The following FAAH2 variants were observed in gnomAD, a reference collection of about 807,000 sequenced individuals.
The protein encoded by FAAH2 is fatty-acid amide hydrolase 2.
A neutral mutation model predicts 36.9 loss-of-function variants in FAAH2; 60 were observed. The observed-to-expected ratio is 1.63, with a 90% CI of 1.32 to 2.02. FAAH2 has a LOEUF of 2.02. FAAH2 is among the 30% of genes most tolerant of loss of function. FAAH2 has a pLI of 0.00. For missense variants in FAAH2, 689 were observed against 397.5 expected, an observed-to-expected ratio of 1.73 and a Z score of -6.23; for synonymous variants, 214 against 143.8, an observed-to-expected ratio of 1.49 and a Z score of -3.49.
the FAAH2 span, among the ~76,000 whole-genome samples, chrX:57,163,214 C>T: frequency 1.1e-4 from 12 of 112,002 alleles, no homozygotes; most frequent in African/African-American, 3.6e-4. Context: ...GGCAGTCTGC[C>T]CGTTCTCAGA....
chrX:57,328,393 T>C (rs1300501253), intron 3 of FAAH2, among the ~76,000 whole-genome samples: 1 of 112,035 alleles, frequency 8.9e-6, no homozygotes, highest in African/African-American at 3.2e-5. Flanking sequence ...TAGTATGTTT[T>C]TCTGCTCTAT....
At chrX:57,359,941 C>T (rs1162306764) in intron 5 of FAAH2, among the ~76,000 whole-genome samples, 1 of 108,477 alleles carries the variant, frequency 9.2e-6, no homozygotes, top group Non-Finnish European at 1.9e-5. Context: ...AACAGTTTTG[C>T]TGAACATAGT....
chrX:57,488,625 A>G (rs1003768270), intron 10 of FAAH2, 132 bp from the exon 11 acceptor site: 2 of 616,560 alleles, frequency 3.2e-6, no homozygotes, highest in Non-Finnish European at 4.8e-6. Flanking sequence ...GTTCCTAAAT[A>G]TTATTAAGTC....
At chrX:57,199,157 C>G in the FAAH2 span, among the ~76,000 whole-genome samples, 1 of 110,227 alleles carries the variant, frequency 9.1e-6, no homozygotes, top group Non-Finnish European at 1.9e-5. Flanking sequence ...CTACTTTGCT[C>G]CTTCTTTTGT....
At chrX:57,337,046 C>G (rs1016186993) in intron 4 of FAAH2, among the ~76,000 whole-genome samples, 4 of 109,682 alleles carry the variant, frequency 3.6e-5, no homozygotes, top group African/African-American at 1.3e-4. Flanking sequence ...TAGACAAAAT[C>G]GGAATGATAA....
At chrX:57,330,498 C>T (rs1008557075) in intron 3 of FAAH2, among the ~76,000 whole-genome samples, 1 of 111,499 alleles carries the variant, frequency 9.0e-6, no homozygotes, top group African/African-American at 3.3e-5. Context: ...TTTAATTTTG[C>T]CCCGGTCCTG....
chrX:57,346,367 T>C (rs141984455), intron 5 of FAAH2, among the ~76,000 whole-genome samples: 1,639 of 111,891 alleles, frequency 0.015, 27 homozygotes, highest in African/African-American at 0.051. Flanking sequence ...TCTATCATTA[T>C]ATTATGCCCT....
chrX:57,240,653 G>A, the FAAH2 span, among the ~76,000 whole-genome samples: 36 of 112,584 alleles, frequency 3.2e-4, no homozygotes, highest in Non-Finnish European at 5.6e-5. Context: ...CAGCATGGCA[G>A]TGTTCACATG....
the FAAH2 span, among the ~76,000 whole-genome samples, chrX:57,266,491 G>A: frequency 7.1e-5 from 8 of 112,609 alleles, no homozygotes; most frequent in African/African-American, 1.6e-4. Flanking sequence ...GGACGGAGCC[G>A]CCAGGGGCAA....
intron 3 of FAAH2, among the ~76,000 whole-genome samples, chrX:57,324,497 G>A (rs1376236108): frequency 1.8e-5 from 2 of 111,701 alleles, no homozygotes; most frequent in Admixed American, 1.9e-4. Context: ...CCATTTGTTT[G>A]TATCCACTTT....
At chrX:57,173,845 A>G in the FAAH2 span, among the ~76,000 whole-genome samples, 4 of 110,938 alleles carry the variant, frequency 3.6e-5, no homozygotes, top group Non-Finnish European at 7.6e-5. Context: ...TTTGTTTTTA[A>G]TTCTGTTTAT....
Position 57,334,143 on chromosome X carries a change from G to T in FAAH2, c.622+2336G>T, listed in dbSNP as rs938721763. Among the ~76,000 whole-genome samples, 16 of 109,783 alleles carry T rather than the reference G, an allele frequency of 1.5e-4. No individual in the cohort carries two copies. In the East Asian group the frequency reaches 4.4e-3, roughly 30 times the overall value. ...AAATTAGCCAGGCCTGGCAGCAGGT[G>T]CCTGTAATACCAGCTACTCAGGAGT... is the stretch of plus-strand genomic sequence containing the variant. On this transcript the variant is annotated intron_variant, in intron 4 of 10. Transcript: ENST00000374900.
intron 7 of FAAH2, among the ~76,000 whole-genome samples, chrX:57,424,369 C>G (rs2056109938): frequency 8.9e-6 from 1 of 111,789 alleles, no homozygotes; most frequent in African/African-American, 3.3e-5. Context: ...AACAAAGACC[C>G]CTACTGCTTC....
chrX:57,448,247 A>G (rs992000045), intron 9 of FAAH2, among the ~76,000 whole-genome samples: 54 of 112,472 alleles, frequency 4.8e-4, no homozygotes, highest in African/African-American at 1.7e-3. Flanking sequence ...CTGGGATTAC[A>G]GACATGAGCC....
At chrX:57,231,619 A>C in the FAAH2 span, among the ~76,000 whole-genome samples, 2 of 111,781 alleles carry the variant, frequency 1.8e-5, no homozygotes, top group African/African-American at 6.5e-5. Flanking sequence ...GCCATGAGGT[A>C]GATAATATTG....
chrX:57,249,086 C>A, the FAAH2 span, among the ~76,000 whole-genome samples: 2 of 110,934 alleles, frequency 1.8e-5, no homozygotes, highest in Non-Finnish European at 3.8e-5. Context: ...TTACAAAATA[C>A]TATGTGAATT....
intron 6 of FAAH2, among the ~76,000 whole-genome samples, chrX:57,379,747 A>G (rs1034373019): frequency 9.1e-6 from 1 of 109,808 alleles, no homozygotes; most frequent in Admixed American, 9.9e-5. Flanking sequence ...TCACATTGCC[A>G]TCTCATAAAT....
chrX:57,467,527 C>T (rs2057073582), intron 10 of FAAH2, among the ~76,000 whole-genome samples: 1 of 111,798 alleles, frequency 8.9e-6, no homozygotes. Flanking sequence ...TGAGATCAAA[C>T]TGCAAGGTGA....
intron 8 of FAAH2, among the ~76,000 whole-genome samples, chrX:57,445,740 C>T (rs2056660281): frequency 6.2e-5 from 7 of 112,446 alleles, no homozygotes; most frequent in Admixed American, 5.7e-4. Flanking sequence ...ACTCCTTTCC[C>T]AAAGCCACAG....
Sources: gnomAD v4.1 joint callset for allele counts (sites outside exome capture counted in the v4.1 genomes callset) on GRCh38, gnomAD v4.1.1 for gene constraint, MANE v1.5 for transcripts, NCBI Gene and HGNC (gene_info 2026-07-23, HGNC 2026-07-21) for gene names.